STON2: variants seen among roughly 807,000 people sequenced by gnomAD.
STON2 encodes the protein stonin-2.
Under a neutral mutation model 65.7 loss-of-function variants are expected in STON2, and 29 were observed. The ratio of observed to expected loss-of-function variants is 0.44; its 90% CI spans 0.33 to 0.60. The LOEUF (loss-of-function observed/expected upper bound fraction) is 0.60, where lower values mean the gene tolerates loss of function less well. Among genes scored for constraint, STON2 ranks in the 20% least tolerant of loss-of-function variants. The probability of loss-of-function intolerance (pLI) is 0.03; values close to 1 mark genes in which losing one functional copy is unlikely to be tolerated. For synonymous variants in STON2, 404 were observed against 414.2 expected (o/e 0.98, Z 0.30); for missense variants, 1,054 against 1,118.1 (o/e 0.94, Z 0.82).
Position 81,277,465 on chromosome 14 carries a change from T to G in STON2, c.2017A>C (p.Asn673His). The change falls in exon 6 of 8, where the codon AAT becomes CAT. Residue 673 changes from asparagine (N) to histidine (H), a missense_variant. Coordinates refer to ENST00000614646, the MANE Select transcript of STON2 (RefSeq NM_001394390.1). Reference sequence around the variant, plus strand: ...TCATTCCCTTTGACGAGGATGTCATTGAGGCCCAGGCGGCACTCTGCGAGC... The same window carrying G: ...TCATTCCCTTTGACGAGGATGTCATGGAGGCCCAGGCGGCACTCTGCGAGC... ...SGLAECRLGL[N>H]DILVKGNEIV... is the part of the protein sequence containing the mutation. 2 of 1,614,154 alleles carry G rather than the reference T, an allele frequency of 1.2e-6. No homozygotes were observed. The highest frequency in any genetic ancestry group is 1.7e-6 in the Non-Finnish European group (2 of 1,180,030).
upstream of STON2, among the ~76,000 whole-genome samples, chr14:81,403,961 T>C (rs1900725908): frequency 6.6e-6 from 1 of 152,190 alleles, no homozygotes; most frequent in East Asian, 1.9e-4. Context: ...AATGTCGCTA[T>C]ATGAGGAAAG....
At chr14:81,276,810 A>G (rs1894838991) in intron 6 of STON2, 91 bp downstream of exon 6, 5 of 1,473,072 alleles carry the variant, frequency 3.4e-6, no homozygotes, top group Non-Finnish European at 4.6e-6. Context: ...TCACACAGCA[A>G]AAACAAGCAC....
rs921632506 is a variant in STON2 at position 81,409,313 on chromosome 14, G to A, written c.-198-10733C>T. Reference sequence around the variant, plus strand: ...CCAGCTACTCGGGAGGCTGAGGCAGGAGAATCGCTTGAACCCAGGAGGTGG... The same window carrying A: ...CCAGCTACTCGGGAGGCTGAGGCAGAAGAATCGCTTGAACCCAGGAGGTGG... On this transcript the variant is annotated intron_variant, in intron 2 of 8. Transcript: ENST00000553821. Among the ~76,000 whole-genome samples the A allele has an allele frequency of 3.3e-5, 5 of 151,884 alleles. No individual in the cohort carries two copies. In the South Asian group the frequency reaches 8.3e-4, roughly 25 times the overall value.
intron 3 of STON2, among the ~76,000 whole-genome samples, chr14:81,373,394 C>T (rs1899093387): frequency 6.6e-6 from 1 of 151,938 alleles, no homozygotes. Context: ...AAGTAAAAAG[C>T]AAAGCCAAAT....
In STON2 at chr14:81,414,280, T is replaced by C. The variant is rs575570440; in HGVS notation, c.-199+12822A>G. 5.9e-5 allele frequency among the ~76,000 whole-genome samples: 9 copies of C among 152,174 alleles called. 1 individual carries two copies. The East Asian group carries it at 1.5e-3, about 26-fold the overall frequency. ...GCACTTGGACTTTTGAGTTTGAAGCTTGAGGCCAGAGATACAAGTTAGGAC... is the reference window on the plus strand; with the variant it reads ...GCACTTGGACTTTTGAGTTTGAAGCCTGAGGCCAGAGATACAAGTTAGGAC... On this transcript the variant is annotated intron_variant, in intron 2 of 8. Coordinates refer to the STON2 transcript ENST00000553821.
intron 5 of STON2, among the ~76,000 whole-genome samples, chr14:81,308,329 A>G (rs1188091187): frequency 6.6e-6 from 1 of 151,950 alleles, no homozygotes; most frequent in Non-Finnish European, 1.5e-5. Flanking sequence ...TCAGCCTCCC[A>G]AGTAGCTGGG....
chr14:81,312,360 T>C (rs957178789), intron 5 of STON2, among the ~76,000 whole-genome samples: 6 of 152,146 alleles, frequency 3.9e-5, no homozygotes, highest in African/African-American at 1.4e-4. Context: ...AGAAAAACTT[T>C]TACTGGTCTT....
At chr14:81,346,855 GAA>G in intron 4 of STON2, among the ~76,000 whole-genome samples, 2 of 152,130 alleles carry the variant, frequency 1.3e-5, no homozygotes, top group Middle Eastern at 6.8e-3. Flanking sequence ...AGAACGAAAC[GAA>G]AACATTTGTT....
intron 4 of STON2, among the ~76,000 whole-genome samples, chr14:81,354,932 TG>T (rs1353450525): frequency 2.7e-4 from 41 of 151,844 alleles, no homozygotes; most frequent in South Asian, 1.0e-3. Context: ...CAGAATTGCT[TG>T]AACCAGGACC....
chr14:81,331,025 G>A (rs1178532643), intron 4 of STON2, among the ~76,000 whole-genome samples: 1 of 152,188 alleles, frequency 6.6e-6, no homozygotes, highest in African/African-American at 2.4e-5. Flanking sequence ...AAGCCACGGG[G>A]CAAAACATGG....
At chr14:81,412,643 G>A (rs1294238961) in intron 2 of STON2, among the ~76,000 whole-genome samples, 2 of 139,202 alleles carry the variant, frequency 1.4e-5, no homozygotes, top group African/African-American at 5.9e-5. Flanking sequence ...AAGAGTTCTG[G>A]AGATGGATGT....
At chr14:81,347,971 C>T (rs185663756) in intron 4 of STON2, among the ~76,000 whole-genome samples, 28 of 145,954 alleles carry the variant, frequency 1.9e-4, no homozygotes, top group Non-Finnish European at 3.7e-4. Context: ...CAGTTCAACA[C>T]GTGCAAATCA....
chr14:81,405,863 T>C (rs1213049168), intron 2 of STON2, among the ~76,000 whole-genome samples: 2 of 152,136 alleles, frequency 1.3e-5, no homozygotes, highest in African/African-American at 4.8e-5. Context: ...GAGATTAACA[T>C]TTGAGTCAGT....
intron 3 of STON2, among the ~76,000 whole-genome samples, chr14:81,393,116 C>T (rs1490397315): frequency 6.6e-6 from 1 of 152,112 alleles, no homozygotes; most frequent in African/African-American, 2.4e-5. Context: ...AAGATAAGAT[C>T]CTCAGTCAGA....
chr14:81,324,363 C>T (rs1339267443), intron 4 of STON2, among the ~76,000 whole-genome samples, 176 bp from the exon 5 acceptor site: 2 of 152,270 alleles, frequency 1.3e-5, no homozygotes, highest in African/African-American at 4.8e-5. Context: ...GAACTTTAAG[C>T]TCAGTCTGCA....
intron 2 of STON2, among the ~76,000 whole-genome samples, chr14:81,410,278 CAAAAAAA>C (rs1161157573): frequency 1.3e-3 from 59 of 45,792 alleles, no homozygotes; most frequent in African/African-American, 2.8e-3. Context: ...TAACTCTAAC[CAAAAAAA>C]AAAAAAAAAA....
Position 81,264,407 on chromosome 14 carries a change from T to C in STON2, c.*4007A>G. 1 of 985,484 alleles carries C rather than the reference T, an allele frequency of 1.0e-6. No individual in the cohort carries two copies. Among genetic ancestry groups the C allele is most frequent in the Non-Finnish European group, 1.2e-6 (1 of 829,940 alleles). 61.0% of individuals were successfully genotyped at this position (985,484 alleles called of 1,614,324 possible). On this transcript the variant is annotated 3_prime_UTR_variant, in exon 8 of 8. Coordinates refer to ENST00000614646, the MANE Select transcript of STON2 (RefSeq NM_001394390.1). ...CTTCGAGTCTCAGGGTCAGTATTCT[T>C]TCAGCAAACATTTATTGAATACATA...
chr14:81,355,899 G>C (rs1240816594), intron 4 of STON2, among the ~76,000 whole-genome samples: 3 of 152,086 alleles, frequency 2.0e-5, no homozygotes, highest in Non-Finnish European at 1.5e-5. Flanking sequence ...AGCTTAAGGA[G>C]ATTTTGGGCT....
chr14:81,343,922 G>C (rs758305883), intron 4 of STON2, among the ~76,000 whole-genome samples: 1 of 152,098 alleles, frequency 6.6e-6, no homozygotes, highest in Non-Finnish European at 1.5e-5. Context: ...TGTTAGAGCT[G>C]GTGTTTAACC....
Sources: allele counts gnomAD v4.1 joint callset (sites outside exome capture counted in the v4.1 genomes callset), GRCh38; gene constraint gnomAD v4.1.1; transcripts MANE v1.5; gene names NCBI Gene and HGNC (gene_info 2026-07-23, HGNC 2026-07-21).